The following DGKG variants were observed in gnomAD, a reference collection of about 807,000 sequenced individuals.
DGKG encodes the protein DAG kinase gamma.
DGKG carries 78 observed loss-of-function variants against 105.3 expected under a neutral mutation model. That is an observed-to-expected ratio of 0.74 (90% CI 0.62 to 0.89). DGKG has a LOEUF of 0.89. Ranked by LOEUF, DGKG falls within the 40% of genes least tolerant of loss-of-function variation. DGKG has a pLI of 0.00. For synonymous variants in DGKG, 346 were observed against 367.1 expected (o/e 0.94, Z 0.66); for missense variants, 958 against 1,020.1 (o/e 0.94, Z 0.83).
intron 21 of DGKG, among the ~76,000 whole-genome samples, chr3:186,206,881 C>G (rs563593123): frequency 1.3e-5 from 2 of 152,266 alleles, no homozygotes; most frequent in Admixed American, 6.5e-5. Flanking sequence ...CCCCGAGTAG[C>G]TGGGATTGTA....
chr3:186,346,675 A>G (rs1451555999), intron 1 of DGKG, among the ~76,000 whole-genome samples: 1 of 152,150 alleles, frequency 6.6e-6, no homozygotes, highest in Admixed American at 6.6e-5. Context: ...ACTATACTAT[A>G]CTATACTCAG....
At chr3:186,196,813 G>A (rs1033127401) in intron 21 of DGKG, among the ~76,000 whole-genome samples, 2 of 152,196 alleles carry the variant, frequency 1.3e-5, no homozygotes, top group Non-Finnish European at 2.9e-5. Flanking sequence ...TCTCTCCTGG[G>A]AGAGATAGGG....
chr3:186,339,784 G>A (rs1170597637), intron 1 of DGKG, among the ~76,000 whole-genome samples: 4 of 152,124 alleles, frequency 2.6e-5, no homozygotes, highest in South Asian at 2.1e-4. Context: ...AGCAGTACCC[G>A]GAAATCTATA....
At chr3:186,288,620 T>C (rs1261927487) in intron 6 of DGKG, 90 bp downstream of exon 6, 11 of 1,392,674 alleles carry the variant, frequency 7.9e-6, no homozygotes, top group Non-Finnish European at 1.1e-5. Flanking sequence ...TGATATCAAC[T>C]CAATCTCCAG....
chr3:186,160,662 CCACTA>C lies in DGKG; in HGVS notation c.2277+936_2277+940del, dbSNP rs1298527672. On this transcript the variant is annotated intron_variant, in intron 24 of 24. Coordinates refer to ENST00000265022, the MANE Select transcript of DGKG (RefSeq NM_001346.3). ...CAGGTGATCAAAGTATCTGAATACT[CCACTA>C]GAGTGAGGAAGCTTAGAAACTCCAC... The C allele has an allele frequency of 4.1e-6, 4 of 985,302 alleles. No individual in the cohort carries two copies. The African/African-American group carries it at 7.0e-5, about 17-fold the overall frequency. 61.0% of individuals were successfully genotyped at this position (985,302 alleles called of 1,614,324 possible).
intron 21 of DGKG, among the ~76,000 whole-genome samples, chr3:186,196,780 T>G (rs1032431175): frequency 6.6e-6 from 1 of 152,306 alleles, no homozygotes; most frequent in Admixed American, 6.5e-5. Context: ...AGTTGGTAAG[T>G]TGACCTTCCT....
intron 24 of DGKG, chr3:186,161,095 C>T (rs751582712): frequency 1.7e-5 from 17 of 987,000 alleles, no homozygotes; most frequent in South Asian, 9.3e-5. Flanking sequence ...TTGGGTGCAC[C>T]GACTGGGAGG....
intron 14 of DGKG, among the ~76,000 whole-genome samples, chr3:186,263,949 C>G (rs887118181): frequency 6.6e-6 from 1 of 152,222 alleles, no homozygotes; most frequent in Non-Finnish European, 1.5e-5. Flanking sequence ...TTCCGATGAT[C>G]TAAAAAATTT....
At chr3:186,219,659 T>A (rs1560101249) in intron 20 of DGKG, among the ~76,000 whole-genome samples, 1 of 151,206 alleles carries the variant, frequency 6.6e-6, no homozygotes, top group Non-Finnish European at 1.5e-5. Context: ...GGGTGGTGAA[T>A]GATGGGAAGA....
At chr3:186,174,710 C>G (rs1324198735) in intron 22 of DGKG, among the ~76,000 whole-genome samples, 1 of 150,054 alleles carries the variant, frequency 6.7e-6, no homozygotes, top group Non-Finnish European at 1.5e-5. Context: ...TGCAATCCCA[C>G]AACCATCCAG....
intron 2 of DGKG, among the ~76,000 whole-genome samples, chr3:186,315,453 T>C (rs3819851): frequency 0.58 from 87,959 of 151,908 alleles, 26,128 homozygotes; most frequent in Middle Eastern, 0.66. Context: ...TGAGGCCCCT[T>C]ACCAACTCTC....
chr3:186,318,196 A>G, intron 2 of DGKG, among the ~76,000 whole-genome samples: 1 of 151,890 alleles, frequency 6.6e-6, no homozygotes, highest in East Asian at 1.9e-4. Flanking sequence ...TTTTGCCCAC[A>G]CTTTGACACA....
chr3:186,210,247 A>C lies in DGKG; in HGVS notation c.1917+1548T>G, dbSNP rs554676761. Among the ~76,000 whole-genome samples, 6 of 152,308 alleles carry C rather than the reference A, an allele frequency of 3.9e-5. No individual in the cohort carries two copies. The highest frequency in any genetic ancestry group is 1.4e-4 in the African/African-American group (6 of 41,576). On this transcript the variant is annotated intron_variant, in intron 21 of 24. Coordinates refer to ENST00000265022, the MANE Select transcript of DGKG (RefSeq NM_001346.3). This position sits in a 1 kb window ranked among gnomAD's most constrained non-coding sequence, Gnocchi z 5.2. ...TGTGGTTAGGCCAGGGCTGTCCCTC[A>C]CTTGTGGTATATTTAAAGAGACCTC... is the stretch of plus-strand genomic sequence containing the variant.
chr3:186,303,002 G>A (rs976130793), intron 3 of DGKG, among the ~76,000 whole-genome samples: 1 of 152,078 alleles, frequency 6.6e-6, no homozygotes, highest in Admixed American at 6.6e-5. Context: ...GAGCCCCAGC[G>A]AGCTAGCAGC....
intron 21 of DGKG, among the ~76,000 whole-genome samples, chr3:186,204,392 C>T (rs1237249485): frequency 3.3e-5 from 5 of 151,976 alleles, no homozygotes; most frequent in Admixed American, 6.6e-5. Context: ...GGTGACAGAG[C>T]GAGGCCCTGC....
intron 16 of DGKG, among the ~76,000 whole-genome samples, chr3:186,259,920 C>T (rs866873188): frequency 3.2e-4 from 48 of 152,152 alleles, no homozygotes; most frequent in African/African-American, 9.9e-4. Flanking sequence ...GCAAAACAAC[C>T]TCAAAATCGA....
intron 20 of DGKG, among the ~76,000 whole-genome samples, chr3:186,234,642 C>G (rs9816318): frequency 0.053 from 8,059 of 152,178 alleles, 717 homozygotes; most frequent in African/African-American, 0.18. Context: ...GCAGGGGCTA[C>G]AAGAAAAAGC....
chr3:186,217,838 C>T (rs1287601982), intron 20 of DGKG, among the ~76,000 whole-genome samples: 1 of 152,172 alleles, frequency 6.6e-6, no homozygotes, highest in African/African-American at 2.4e-5. Flanking sequence ...GTTGTCAAAA[C>T]ATGAAAACAT....
In DGKG at chr3:186,203,053, A is replaced by G. The variant is rs565457269; in HGVS notation, c.1917+8742T>C. Among the ~76,000 whole-genome samples the G allele has an allele frequency of 6.6e-6, 1 of 152,340 alleles. No homozygotes were observed. Among genetic ancestry groups the G allele is most frequent in the East Asian group, 1.9e-4 (1 of 5,192 alleles). On this transcript the variant is annotated intron_variant, in intron 21 of 24. Coordinates refer to ENST00000265022, the MANE Select transcript of DGKG (RefSeq NM_001346.3). The surrounding 1 kb of genome is among the most constrained non-coding windows in gnomAD (Gnocchi z 4.9). ...TACAGGGTGCACATTAGTAAGAAATAAAAAAGAGGGTCATTTAAGAAAAAG... is the reference window on the plus strand; with the variant it reads ...TACAGGGTGCACATTAGTAAGAAATGAAAAAGAGGGTCATTTAAGAAAAAG...
Sources: allele counts gnomAD v4.1 joint callset (sites outside exome capture counted in the v4.1 genomes callset), GRCh38; gene constraint gnomAD v4.1.1; non-coding constraint Gnocchi (gnomAD v3.1); transcripts MANE v1.5; gene names NCBI Gene and HGNC (gene_info 2026-07-23, HGNC 2026-07-21).